COL12A1: variants seen among roughly 807,000 people sequenced by gnomAD.
COL12A1 encodes collagen type XII alpha 1 chain, also known as collagen alpha-1(XII) chain.
A neutral mutation model predicts 349.7 loss-of-function variants in COL12A1; 114 were observed. The ratio of observed to expected loss-of-function variants is 0.33; its 90% CI spans 0.28 to 0.38. COL12A1 has a LOEUF of 0.38. COL12A1 is among the 10% of genes least tolerant of loss of function. The pLI is 1.00. For synonymous variants in COL12A1, 1,369 were observed against 1,329.0 expected, an observed-to-expected ratio of 1.03 and a Z score of -0.66; for missense variants, 3,284 against 3,756.9, an observed-to-expected ratio of 0.87 and a Z score of 3.29.
chr6:75,134,956 G>T, intron 31 of COL12A1, 101 bp from the exon 32 acceptor site: 1 of 1,284,998 alleles, frequency 7.8e-7, no homozygotes, highest in Non-Finnish European at 1.0e-6. Context: ...TGAGACCCTT[G>T]TCAAGTTCCA....
At position 75,204,644 on chromosome 6, in the gene COL12A1, C is replaced by T. The variant is rs528278675; in HGVS notation, c.-36+1133G>A. Among the ~76,000 whole-genome samples, 41 of 152,310 alleles carry T rather than the reference C, an allele frequency of 2.7e-4. No homozygotes were observed. In the South Asian group the frequency reaches 4.6e-3, roughly 17 times the overall value. On this transcript the variant is annotated intron_variant, in intron 1 of 65. Transcript: ENST00000322507. ...TGGCAGCGAGGACTCCCTCACTTCA[C>T]CCTCATGAATAAAAATGAGTCCACT...
chr6:75,196,163 A>C (rs1582221533), intron 2 of COL12A1, among the ~76,000 whole-genome samples: 1 of 152,212 alleles, frequency 6.6e-6, no homozygotes, highest in Admixed American at 6.5e-5. Context: ...CTGTCAGTGC[A>C]TGGTTGATGA....
rs578252411 is a variant in COL12A1, at chr6:75,184,124, A to G, written c.1018T>C (p.Leu340=). The part of the protein sequence containing the change: ...GEEVVEPPSN[L]IAMEVSSKYV... ...TTTGAAGAGACTTCCATGGCAATCA[A>G]ATTTGAAGGAGGCTCAACAACTAAA... The change falls in exon 9 of 66, where the codon TTG becomes CTG. Residue 340 remains leucine, a synonymous_variant. Transcript: ENST00000322507. 430 of 1,613,788 alleles carry G rather than the reference A, an allele frequency of 2.7e-4. 8 individuals carry two copies. The South Asian group carries it at 4.5e-3, about 17-fold the overall frequency.
At chr6:75,132,574 A>G (rs1766363340) in intron 34 of COL12A1, among the ~76,000 whole-genome samples, 1 of 152,200 alleles carries the variant, frequency 6.6e-6, no homozygotes, top group Non-Finnish European at 1.5e-5. Context: ...AGGTAAAAGG[A>G]GAGAAAAATA....
chr6:75,145,720 CT>C lies in COL12A1; in HGVS notation c.4561-266del, dbSNP rs562102489. ...AATCTCAACTCACCGCAACTTCCAC[CT>C]CCCGGGTTCAAGCAATTCTCCTGTC... On this transcript the variant is annotated intron_variant, in intron 24 of 65. Transcript: ENST00000322507. 2.3e-4 allele frequency among the ~76,000 whole-genome samples: 35 copies of C among 151,890 alleles called. No homozygotes were observed. In the South Asian group the frequency reaches 7.3e-3, roughly 32 times the overall value.
chr6:75,113,748 T>C lies in COL12A1; in HGVS notation c.7698-4A>G, dbSNP rs1033345299. The C allele has an allele frequency of 6.4e-7, 1 of 1,564,352 alleles. No homozygotes were observed. The highest frequency in any genetic ancestry group is 1.4e-5 in the African/African-American group (1 of 72,680). On this transcript the variant is annotated splice_region_variant and splice_polypyrimidine_tract_variant and intron_variant, in intron 49 of 65. Coordinates refer to ENST00000322507, the MANE Select transcript of COL12A1 (RefSeq NM_004370.6). ...GAGTCCATTTGGGTGTAGGTCTCTG[T>C]TGGATAAAACAAAAGAAAGAAAAAG...
At chr6:75,106,948 TAGG>T (rs905514674) in intron 52 of COL12A1, among the ~76,000 whole-genome samples, 1 of 143,648 alleles carries the variant, frequency 7.0e-6, no homozygotes, top group African/African-American at 2.6e-5. Context: ...GTTGCCCAGG[TAGG>T]AGTACAGTGG....
In COL12A1 at chr6:75,110,501, C is replaced by T. The variant is rs150679937; in HGVS notation, c.7951-1334G>A. Reference sequence around the variant, plus strand: ...TCATTGTGCCAAGTGTGTAGAGTAACCAATCTATTTCCTAAATGATGTGTT... The same window carrying T: ...TCATTGTGCCAAGTGTGTAGAGTAATCAATCTATTTCCTAAATGATGTGTT... On this transcript the variant is annotated intron_variant, in intron 51 of 65. Transcript: ENST00000322507. Among the ~76,000 whole-genome samples, 142 of 151,984 alleles carry T rather than the reference C, an allele frequency of 9.3e-4. 1 individual carries two copies. In the South Asian group the frequency reaches 0.016, roughly 17 times the overall value.
intron 33 of COL12A1, 131 bp downstream of exon 33, chr6:75,133,727 A>G: frequency 9.3e-7 from 1 of 1,079,014 alleles, no homozygotes; most frequent in South Asian, 1.5e-5. Flanking sequence ...TTTACCCTCT[A>G]TAAAGTCTTA....
rs61482476 is a variant in COL12A1, at chr6:75,130,158, G to T, written c.6143C>A (p.Ala2048Asp). The change falls in exon 37 of 66, where the codon GCT (alanine) becomes GAT (aspartate). Residue 2048 changes from alanine (A) to aspartate (D), a missense_variant. By Grantham distance (126) the Ala-to-Asp change is moderately radical (BLOSUM62 -2). Coordinates refer to ENST00000322507, the MANE Select transcript of COL12A1 (RefSeq NM_004370.6). ...CCTGTACTGCTGAACTGGCCCATCAGCATGATCCCAGGCTACCGAGAGGCT... is the reference window on the plus strand; with the variant it reads ...CCTGTACTGCTGAACTGGCCCATCATCATGATCCCAGGCTACCGAGAGGCT... The part of the protein sequence containing the change: ...TNSLSVAWDH[A>D]DGPVQQYRII... 1 of 1,614,050 alleles carries T rather than the reference G, an allele frequency of 6.2e-7. No individual in the cohort carries two copies. The highest frequency in any genetic ancestry group is 8.5e-7 in the Non-Finnish European group (1 of 1,179,982).
intron 8 of COL12A1, among the ~76,000 whole-genome samples, chr6:75,186,351 A>C (rs757091836): frequency 5.9e-5 from 9 of 152,218 alleles, no homozygotes; most frequent in Non-Finnish European, 1.3e-4. Flanking sequence ...CATGTGGTCA[A>C]CAATCATACA....
chr6:75,145,228 T>C, intron 25 of COL12A1, 98 bp downstream of exon 25: 2 of 1,180,678 alleles, frequency 1.7e-6, no homozygotes, highest in African/African-American at 1.6e-5. Context: ...ACTTTGTATA[T>C]AAATTATCAA....
rs1403717123 is a variant in COL12A1, at chr6:75,145,616, T to TC, written c.4561-162_4561-161insG. 4.4e-3 allele frequency among the ~76,000 whole-genome samples: 670 copies of TC among 151,654 alleles called. 10 individuals are homozygous for TC. The highest frequency in any genetic ancestry group is 0.015 in the African/African-American group (623 of 41,296). ...CTTTTCCATGCTGATGTTTTCTTTT[T>TC]TTTTTTTTTTTTGGTTTGTTTTGTT... On this transcript the variant is annotated intron_variant, in intron 24 of 65. Coordinates refer to ENST00000322507, the MANE Select transcript of COL12A1 (RefSeq NM_004370.6).
chr6:75,135,858 T>C (rs570459829), intron 31 of COL12A1, among the ~76,000 whole-genome samples: 37 of 152,314 alleles, frequency 2.4e-4, no homozygotes, highest in Non-Finnish European at 4.9e-4. Context: ...ACTTAATACA[T>C]AACAAATCTG....
intron 60 of COL12A1, among the ~76,000 whole-genome samples, chr6:75,093,293 T>C (rs545993806): frequency 6.6e-6 from 1 of 152,314 alleles, no homozygotes; most frequent in South Asian, 2.1e-4. Flanking sequence ...CAAATATGTG[T>C]TTACTAATGA....
chr6:75,190,844 T>A (rs1453629836), intron 5 of COL12A1, among the ~76,000 whole-genome samples: 3 of 151,970 alleles, frequency 2.0e-5, no homozygotes, highest in Non-Finnish European at 4.4e-5. Flanking sequence ...TATTAAAAAG[T>A]CAATACTTGG....
At chr6:75,102,143 C>T in intron 56 of COL12A1, 91 bp from the exon 57 acceptor site, 1 of 1,237,856 alleles carries the variant, frequency 8.1e-7, no homozygotes, top group Non-Finnish European at 1.2e-6. Flanking sequence ...ATCTTCATCA[C>T]TTCATAAATC....
In COL12A1 at chr6:75,133,859, A is replaced by G; in HGVS notation, c.5663T>C (p.Leu1888Pro). The G allele has an allele frequency of 6.2e-7, 1 of 1,613,734 alleles. No individual in the cohort carries two copies. Among genetic ancestry groups the G allele is most frequent in the Non-Finnish European group, 8.5e-7 (1 of 1,179,892 alleles). ...TTTTTTACTACAAGAAATAATTACC[A>G]GTTCCTCTGGACCACCTGCTGCTGG... ...YAPAAGGPEE[L>P]VPIPGNTNYA... The change falls in exon 33 of 66, where the codon CTG (leucine) becomes CCG (proline). Residue 1888 changes from leucine (L) to proline (P), a missense_variant and splice_region_variant. Leu to Pro is a moderately conservative substitution (Grantham distance 98). Transcript: ENST00000322507.
At position 75,189,610 on chromosome 6, in the gene COL12A1, C is replaced by T. The variant is rs2149475654; in HGVS notation, c.600G>A (p.Arg200=). 6.2e-7 allele frequency: 1 copy of T among 1,613,196 alleles called. No homozygotes were observed. Among genetic ancestry groups the T allele is most frequent in the Non-Finnish European group, 8.5e-7 (1 of 1,179,474 alleles). ...TEFNLNQYYQ[R]DELLAAIKKI... is the part of the protein sequence containing the mutation. ...TTTTTATTGCAGCAAGAAGTTCATCCCTTTGGTAGTACTGATTTAAGTTAA... is the reference window on the plus strand; with the variant it reads ...TTTTTATTGCAGCAAGAAGTTCATCTCTTTGGTAGTACTGATTTAAGTTAA... Residue 200 remains arginine (R), a synonymous_variant, in exon 6 of 66, where the codon AGG becomes AGA. Coordinates refer to ENST00000322507, the MANE Select transcript of COL12A1 (RefSeq NM_004370.6).
Sources: allele counts gnomAD v4.1 joint callset (sites outside exome capture counted in the v4.1 genomes callset), GRCh38; gene constraint gnomAD v4.1.1; transcripts MANE v1.5; gene names NCBI Gene and HGNC (gene_info 2026-07-23, HGNC 2026-07-21).